Variants in PCDH11X observed in about 807,000 individuals in gnomAD.
PCDH11X encodes the protein protocadherin 11 X-linked, also known as protocadherin-11 X-linked.
A neutral mutation model predicts 53.3 loss-of-function variants in PCDH11X; 18 were observed. The ratio of observed to expected loss-of-function variants is 0.34; its 90% confidence interval spans 0.23 to 0.50. The LOEUF (loss-of-function observed/expected upper bound fraction) is 0.50. PCDH11X is among the 20% of genes least tolerant of loss of function. The pLI is 0.98. For synonymous variants in PCDH11X, 279 were observed against 393.3 expected, an observed-to-expected ratio of 0.71 and a Z score of 3.44; for missense variants, 570 against 1,032.4, an observed-to-expected ratio of 0.55 and a Z score of 6.14.
At chrX:92,589,826 A>C (rs901299601) in intron 10 of PCDH11X, among the ~76,000 whole-genome samples, 2 of 110,816 alleles carry the variant, frequency 1.8e-5, no homozygotes, top group Non-Finnish European at 3.8e-5. Context: ...AATAGGTCTT[A>C]CCCAAAACTC....
chrX:91,894,077 T>C (rs770493578), intron 6 of PCDH11X, among the ~76,000 whole-genome samples: 1 of 112,248 alleles, frequency 8.9e-6, no homozygotes, highest in Non-Finnish European at 1.9e-5. Context: ...CAATCTTATA[T>C]CAGGAGATTC....
intron 8 of PCDH11X, among the ~76,000 whole-genome samples, chrX:92,277,114 G>T (rs763703405): frequency 9.1e-6 from 1 of 109,813 alleles, no homozygotes; most frequent in African/African-American, 3.3e-5. Context: ...AGGTCAGATG[G>T]GTCTGTAGAA....
At chrX:92,591,799 C>A (rs1166471408) in intron 10 of PCDH11X, among the ~76,000 whole-genome samples, 2 of 110,989 alleles carry the variant, frequency 1.8e-5, no homozygotes, top group African/African-American at 6.6e-5. Context: ...CTTAAAAGGC[C>A]TCATCTTTGT....
intron 10 of PCDH11X, among the ~76,000 whole-genome samples, chrX:92,531,453 T>A (rs1292586282): frequency 9.0e-6 from 1 of 111,606 alleles, no homozygotes; most frequent in Non-Finnish European, 1.9e-5. Context: ...GTTTAATTCA[T>A]AAAGATATTT....
At chrX:91,865,652 A>C (rs1938932856) in intron 5 of PCDH11X, among the ~76,000 whole-genome samples, 1 of 111,781 alleles carries the variant, frequency 8.9e-6, no homozygotes, top group Non-Finnish European at 1.9e-5. Flanking sequence ...CTACAGTCAA[A>C]AACCTTAGAA....
At chrX:91,907,811 G>T (rs140240501) in intron 6 of PCDH11X, among the ~76,000 whole-genome samples, 8,067 of 110,319 alleles carry the variant, frequency 0.073, 273 homozygotes, top group African/African-American at 0.12. Flanking sequence ...AGGCCCCATT[G>T]TGTGTTGTTC....
chrX:92,021,476 T>G (rs2062883184), intron 6 of PCDH11X, among the ~76,000 whole-genome samples: 1 of 109,705 alleles, frequency 9.1e-6, no homozygotes, highest in Admixed American at 9.9e-5. Context: ...AGAAAATAAA[T>G]AAAGAAATGG....
chrX:92,310,056 G>GT (rs2068916458), intron 8 of PCDH11X, among the ~76,000 whole-genome samples: 1 of 111,582 alleles, frequency 9.0e-6, no homozygotes, highest in African/African-American at 3.3e-5. Context: ...TCTTACTCGG[G>GT]TTTTTTTGCT....
chrX:92,435,738 T>A lies in PCDH11X; in HGVS notation c.3344-32561T>A, dbSNP rs753874950. Among the ~76,000 whole-genome samples, 6 of 111,067 alleles carry A rather than the reference T, an allele frequency of 5.4e-5. No individual in the cohort carries two copies. The South Asian group carries it at 2.3e-3, about 42-fold the overall frequency. ...AAGGTCCTTTTAAGATAAGCAAATG[T>A]TGAGGGAGTTCATTACCACCAGACC... is the stretch of plus-strand genomic sequence containing the variant. On this transcript the variant is annotated intron_variant, in intron 9 of 10. Transcript: ENST00000682573.
rs1406264546 is a variant in PCDH11X at position 92,602,802 on chromosome X, T to C, written c.3368-15462T>C. The stretch of plus-strand genomic sequence containing the variant: ...AGGGTAGTGGTATCAGTATTCACAA[T>C]TGATGCAATATATAATCTAAAATGT... On this transcript the variant is annotated intron_variant, in intron 10 of 10. Transcript: ENST00000682573. 3.4e-5 allele frequency among the ~76,000 whole-genome samples: 3 copies of C among 89,148 alleles called. 1 individual carries two copies. The East Asian group carries it at 1.0e-3, about 30-fold the overall frequency. 77.4% of individuals were successfully genotyped at this position (89,148 alleles called of 115,157 possible). A position where few individuals can be genotyped will look rare whatever the true frequency, so the allele number is the denominator to read the frequency against.
At position 92,049,018 on chromosome X, in the gene PCDH11X, A is replaced by G. The variant is rs369830833; in HGVS notation, c.3034-152357A>G. Among the ~76,000 whole-genome samples the G allele has an allele frequency of 4.6e-4, 51 of 111,749 alleles. No individual in the cohort carries two copies. In the East Asian group the frequency reaches 0.012, roughly 25 times the overall value. ...TTATCTGAAGACCTGGGATCAATAG[A>G]AAGGAAATGTTTAGGTTAGGATAAA... is the stretch of plus-strand genomic sequence containing the variant. On this transcript the variant is annotated intron_variant, in intron 6 of 10. Coordinates refer to ENST00000682573, the MANE Select transcript of PCDH11X (RefSeq NM_032968.5).
chrX:91,801,797 T>A (rs1184142316), intron 1 of PCDH11X, among the ~76,000 whole-genome samples: 1 of 112,005 alleles, frequency 8.9e-6, no homozygotes, highest in Non-Finnish European at 1.9e-5. Flanking sequence ...GTCCTCCAGG[T>A]GTTACATATG....
intron 7 of PCDH11X, among the ~76,000 whole-genome samples, chrX:92,218,574 G>C (rs1214171383): frequency 1.5e-4 from 16 of 109,277 alleles, no homozygotes; most frequent in African/African-American, 5.0e-4. Flanking sequence ...CAACCAAACA[G>C]AGTCCAGGAC....
chrX:92,452,330 ACT>A (rs1174363931), intron 9 of PCDH11X, among the ~76,000 whole-genome samples: 4 of 98,393 alleles, frequency 4.1e-5, no homozygotes, highest in Non-Finnish European at 8.2e-5. Context: ...ATAATTTTGA[ACT>A]CTCTGTAAGA....
At chrX:91,891,580 A>G (rs1940473424) in intron 6 of PCDH11X, among the ~76,000 whole-genome samples, 1 of 103,032 alleles carries the variant, frequency 9.7e-6, no homozygotes, top group Non-Finnish European at 2.0e-5. Context: ...CGTGCGTTTT[A>G]TTGTATTAAC....
At chrX:92,508,829 AG>A (rs1156800445) in intron 10 of PCDH11X, among the ~76,000 whole-genome samples, 1 of 108,905 alleles carries the variant, frequency 9.2e-6, no homozygotes, top group Non-Finnish European at 1.9e-5. Flanking sequence ...TAATTTTAAA[AG>A]CTTTATTTCC....
chrX:91,839,222 C>A (rs1937415367), intron 5 of PCDH11X, among the ~76,000 whole-genome samples: 1 of 109,786 alleles, frequency 9.1e-6, no homozygotes, highest in Non-Finnish European at 1.9e-5. Context: ...AACCAGAGTG[C>A]AGTTCCTGAC....
chrX:92,199,757 T>G (rs1053462386), intron 6 of PCDH11X, among the ~76,000 whole-genome samples: 1 of 111,458 alleles, frequency 9.0e-6, no homozygotes, highest in South Asian at 3.7e-4. Flanking sequence ...CAAAATAATT[T>G]TTTCTAATGT....
chrX:92,343,316 AT>A (rs1320846027), intron 8 of PCDH11X, among the ~76,000 whole-genome samples: 2 of 111,979 alleles, frequency 1.8e-5, no homozygotes, highest in African/African-American at 6.5e-5. Flanking sequence ...TAGTTCTACC[AT>A]TTTAAAAATC....
Sources: allele counts gnomAD v4.1 joint callset (sites outside exome capture counted in the v4.1 genomes callset), GRCh38; gene constraint gnomAD v4.1.1; transcripts MANE v1.5; gene names NCBI Gene and HGNC (gene_info 2026-07-23, HGNC 2026-07-21).